Variants in CMIP observed in about 807,000 individuals in gnomAD.
The protein encoded by CMIP is c-Maf inducing protein.
Under a neutral mutation model 97.3 loss-of-function variants are expected in CMIP, and 13 were observed. The observed-to-expected ratio is 0.13, with a 90% confidence interval of 0.09 to 0.21. The LOEUF (loss-of-function observed/expected upper bound fraction) is 0.21. Ranked by LOEUF, CMIP falls within the 10% of genes least tolerant of loss-of-function variation. The pLI is 1.00. For synonymous variants in CMIP, 538 were observed against 436.3 expected (o/e 1.23, Z -2.91); for missense variants, 847 against 1,024.9 (o/e 0.83, Z 2.37).
At chr16:81,487,026 G>A (rs960874514) in intron 1 of CMIP, among the ~76,000 whole-genome samples, 4 of 152,242 alleles carry the variant, frequency 2.6e-5, no homozygotes, top group African/African-American at 9.6e-5. Flanking sequence ...TGGGGTGGGG[G>A]CAGCTGGCGC....
At chr16:81,566,633 A>C (rs2090988524) in intron 1 of CMIP, among the ~76,000 whole-genome samples, 1 of 152,234 alleles carries the variant, frequency 6.6e-6, no homozygotes, top group Non-Finnish European at 1.5e-5. Flanking sequence ...CCTAGGACCC[A>C]ATGATTCTAC....
chr16:81,454,214 C>G (rs891079335), intron 1 of CMIP, among the ~76,000 whole-genome samples: 62 of 152,318 alleles, frequency 4.1e-4, no homozygotes, highest in African/African-American at 1.3e-3. Context: ...TATCGTATCC[C>G]TACTGTGTGC....
chr16:81,537,222 GAAAT>G (rs1400073940), intron 1 of CMIP, among the ~76,000 whole-genome samples: 1 of 152,136 alleles, frequency 6.6e-6, no homozygotes, highest in Non-Finnish European at 1.5e-5. Context: ...GGCATCCTGA[GAAAT>G]AAAGTTGGAT....
intron 1 of CMIP, among the ~76,000 whole-genome samples, chr16:81,580,960 G>A (rs1463467306): frequency 3.9e-5 from 6 of 152,114 alleles, no homozygotes; most frequent in Non-Finnish European, 8.8e-5. Context: ...CCCCCTGACA[G>A]CCATCAATTT....
intron 1 of CMIP, among the ~76,000 whole-genome samples, chr16:81,499,675 G>A (rs1366952796): frequency 2.0e-5 from 3 of 152,242 alleles, no homozygotes; most frequent in African/African-American, 7.2e-5. Context: ...TGCCCGGGGA[G>A]CAGAGGTGGC....
chr16:81,655,651 C>T lies in CMIP; in HGVS notation c.640-2124C>T, dbSNP rs1321945584. ...CCTTCCTGGAAAGGTGCGTGGGTGGCGGCGAGGGATGGATGTGTCGAGCTG... is the reference window on the plus strand; with the variant it reads ...CCTTCCTGGAAAGGTGCGTGGGTGGTGGCGAGGGATGGATGTGTCGAGCTG... On this transcript the variant is annotated intron_variant, in intron 4 of 20. Transcript: ENST00000537098. This position sits in a 1 kb window ranked among gnomAD's most constrained non-coding sequence, Gnocchi z 4.9. Among the ~76,000 whole-genome samples the T allele has an allele frequency of 4.6e-5, 7 of 152,094 alleles. No individual in the cohort carries two copies. The highest frequency in any genetic ancestry group is 2.0e-4 in the Admixed American group (3 of 15,282).
intron 1 of CMIP, among the ~76,000 whole-genome samples, chr16:81,525,747 G>A (rs937729055): frequency 1.3e-5 from 2 of 152,132 alleles, no homozygotes; most frequent in Admixed American, 6.5e-5. Flanking sequence ...CTGAAACTCC[G>A]TCCTCATTAA....
At chr16:81,688,690 G>A (rs907415146) in intron 10 of CMIP, among the ~76,000 whole-genome samples, 1 of 152,030 alleles carries the variant, frequency 6.6e-6, no homozygotes. Flanking sequence ...TTAAGTTCTA[G>A]GGTACATGTG....
intron 1 of CMIP, among the ~76,000 whole-genome samples, chr16:81,492,608 A>G (rs925919535): frequency 4.6e-5 from 7 of 151,914 alleles, no homozygotes; most frequent in African/African-American, 1.5e-4. Flanking sequence ...AGGCCAGGCT[A>G]TGCAGGCCCT....
intron 17 of CMIP, 118 bp downstream of exon 17, chr16:81,702,787 G>A (rs1487986826): frequency 8.1e-6 from 7 of 869,354 alleles, no homozygotes; most frequent in Non-Finnish European, 1.3e-5. Context: ...CGGGGCACAA[G>A]GACCCCCTAG....
At chr16:81,705,743 C>T (rs1456714808) in intron 19 of CMIP, 139 bp downstream of exon 19, 15 of 604,448 alleles carry the variant, frequency 2.5e-5, no homozygotes, top group East Asian at 2.8e-5. Context: ...GTTCACTGCA[C>T]ACCTGCTGTG....
intron 14 of CMIP, among the ~76,000 whole-genome samples, chr16:81,699,452 G>C (rs1012409688): frequency 6.6e-6 from 1 of 152,166 alleles, no homozygotes; most frequent in African/African-American, 2.4e-5. Flanking sequence ...CGTGACTTTC[G>C]CGACTGGCTT....
rs1455337512 is a variant in CMIP, at chr16:81,573,349, AT to A, written c.301-34217del. On this transcript the variant is annotated intron_variant, in intron 1 of 20. Transcript: ENST00000537098. ...ACAGAGCTAGACTCCATCTCAAAAA[AT>A]AAAAAAAAAAAAAAGGCATGTTTTC... 2.5e-3 allele frequency among the ~76,000 whole-genome samples: 374 copies of A among 151,750 alleles called. 5 individuals carry two copies. The highest frequency in any genetic ancestry group is 1.2e-3 in the Non-Finnish European group (79 of 67,900).
intron 1 of CMIP, among the ~76,000 whole-genome samples, chr16:81,559,787 C>T (rs1297658732): frequency 6.6e-6 from 1 of 152,102 alleles, no homozygotes. Context: ...GTGGTATACT[C>T]CTTCTAGTTA....
chr16:81,478,407 A>G (rs1217126136), intron 1 of CMIP, among the ~76,000 whole-genome samples: 1 of 152,162 alleles, frequency 6.6e-6, no homozygotes, highest in Non-Finnish European at 1.5e-5. Flanking sequence ...CTGTATGGAG[A>G]GGAGCAGCCT....
chr16:81,556,415 G>T (rs375189306), intron 1 of CMIP, among the ~76,000 whole-genome samples: 1 of 152,110 alleles, frequency 6.6e-6, no homozygotes, highest in African/African-American at 2.4e-5. Context: ...AAAATTGATG[G>T]ATCACATAGT....
intron 1 of CMIP, among the ~76,000 whole-genome samples, chr16:81,479,358 T>G (rs1489998377): frequency 1.3e-5 from 2 of 152,186 alleles, no homozygotes; most frequent in Non-Finnish European, 2.9e-5. Context: ...AAAATACACG[T>G]AACATAAAAT....
At chr16:81,554,532 T>A (rs2090723340) in intron 1 of CMIP, among the ~76,000 whole-genome samples, 1 of 152,146 alleles carries the variant, frequency 6.6e-6, no homozygotes, top group Admixed American at 6.5e-5. Context: ...CACTACCAGG[T>A]GCTTGAGAAG....
chr16:81,492,701 G>A (rs2089424478), intron 1 of CMIP, among the ~76,000 whole-genome samples: 1 of 152,102 alleles, frequency 6.6e-6, no homozygotes, highest in Non-Finnish European at 1.5e-5. Context: ...AAAAAGGGGG[G>A]AAGAGAAACA....
Sources: allele counts gnomAD v4.1 joint callset (sites outside exome capture counted in the v4.1 genomes callset), GRCh38; gene constraint gnomAD v4.1.1; non-coding constraint Gnocchi (gnomAD v3.1); transcripts MANE v1.5; gene names NCBI Gene and HGNC (gene_info 2026-07-23, HGNC 2026-07-21).